LRRTM4: variants seen among roughly 807,000 people sequenced by gnomAD.
The protein encoded by LRRTM4 is leucine rich repeat transmembrane neuronal 4, also known as leucine-rich repeat transmembrane neuronal protein 4.
Under a neutral mutation model 47.6 loss-of-function variants are expected in LRRTM4, and 25 were observed. That is an observed-to-expected ratio of 0.53 (90% CI 0.38 to 0.73). The LOEUF (loss-of-function observed/expected upper bound fraction) is 0.73, where lower values mean the gene tolerates loss of function less well. Ranked by LOEUF, LRRTM4 falls within the 30% of genes least tolerant of loss-of-function variation. The pLI is 0.00. For missense variants in LRRTM4, 638 were observed against 713.4 expected (o/e 0.89, Z 1.20); for synonymous variants, 311 against 269.5 (o/e 1.15, Z -1.51).
intron 3 of LRRTM4, among the ~76,000 whole-genome samples, chr2:77,004,466 G>A (rs1310406311): frequency 1.3e-5 from 2 of 152,154 alleles, no homozygotes; most frequent in South Asian, 2.1e-4. Context: ...GTCAAGAATT[G>A]AGGTTTGTGA....
chr2:77,070,508 C>T (rs774906677), intron 3 of LRRTM4, among the ~76,000 whole-genome samples: 1 of 151,410 alleles, frequency 6.6e-6, no homozygotes, highest in Non-Finnish European at 1.5e-5. Flanking sequence ...ATATTATTAT[C>T]ACTAAAAATT....
rs909257287 is a variant in LRRTM4, at chr2:76,967,581, T to C, written c.1552-218665A>G. 1.3e-4 allele frequency among the ~76,000 whole-genome samples: 19 copies of C among 151,696 alleles called. No individual in the cohort carries two copies. The East Asian group carries it at 3.5e-3, about 28-fold the overall frequency. ...TAAGTCTTCTAAAATAAACTTCCCATCAATTACTCTATATGCCACCACATA... is the reference window on the plus strand; with the variant it reads ...TAAGTCTTCTAAAATAAACTTCCCACCAATTACTCTATATGCCACCACATA... On this transcript the variant is annotated intron_variant, in intron 3 of 3. Transcript: ENST00000409884.
chr2:76,818,899 A>G (rs1050212671), intron 3 of LRRTM4, among the ~76,000 whole-genome samples: 14 of 151,806 alleles, frequency 9.2e-5, no homozygotes, highest in African/African-American at 3.4e-4. Flanking sequence ...TAGTAAAACC[A>G]GTTTGATTAG....
chr2:77,371,879 A>G (rs1021583127), intron 3 of LRRTM4, among the ~76,000 whole-genome samples: 1 of 151,722 alleles, frequency 6.6e-6, no homozygotes, highest in Non-Finnish European at 1.5e-5. Flanking sequence ...ACTGTACTTG[A>G]AGGCTAACAA....
At chr2:77,365,364 A>G (rs1672402162) in intron 3 of LRRTM4, among the ~76,000 whole-genome samples, 1 of 152,032 alleles carries the variant, frequency 6.6e-6, no homozygotes, top group Non-Finnish European at 1.5e-5. Context: ...TCTGTGAAAC[A>G]CTTACATTTT....
At chr2:76,916,230 A>G (rs1674239558) in intron 3 of LRRTM4, among the ~76,000 whole-genome samples, 1 of 151,864 alleles carries the variant, frequency 6.6e-6, no homozygotes. Context: ...TGTATGGTCC[A>G]AAAAATTAGC....
At chr2:77,403,955 C>T (rs973337734) in intron 3 of LRRTM4, among the ~76,000 whole-genome samples, 24 of 151,256 alleles carry the variant, frequency 1.6e-4, no homozygotes. Context: ...ATATATATGA[C>T]CATTTAAAGA....
At chr2:76,794,785 C>A (rs969740731) in intron 3 of LRRTM4, among the ~76,000 whole-genome samples, 5 of 151,916 alleles carry the variant, frequency 3.3e-5, no homozygotes, top group African/African-American at 1.2e-4. Flanking sequence ...ACAAACTGTA[C>A]CCACCAGAGC....
intron 3 of LRRTM4, among the ~76,000 whole-genome samples, chr2:77,110,380 C>G (rs560365711): frequency 6.6e-5 from 10 of 152,212 alleles, no homozygotes; most frequent in Non-Finnish European, 1.5e-4. Context: ...CCCACTAACA[C>G]AACCTTGCTA....
At chr2:77,411,149 A>G (rs1433772241) in intron 3 of LRRTM4, among the ~76,000 whole-genome samples, 1 of 152,168 alleles carries the variant, frequency 6.6e-6, no homozygotes, top group African/African-American at 2.4e-5. Context: ...CCTGGAGCAC[A>G]GATTCAGGCC....
At chr2:77,371,327 T>C (rs187972189) in intron 3 of LRRTM4, among the ~76,000 whole-genome samples, 1 of 151,970 alleles carries the variant, frequency 6.6e-6, no homozygotes, top group African/African-American at 2.4e-5. Flanking sequence ...ACTGATACTC[T>C]CGGAATTCAG....
chr2:77,304,549 A>C lies in LRRTM4; in HGVS notation c.1551+213769T>G, dbSNP rs560427706. Among the ~76,000 whole-genome samples the C allele has an allele frequency of 5.3e-5, 8 of 152,282 alleles. No homozygotes were observed. The East Asian group carries it at 1.3e-3, about 26-fold the overall frequency. On this transcript the variant is annotated intron_variant, in intron 3 of 3. Transcript: ENST00000409884. ...TAGTCAGCTGGCAAACCTGAAAAAA[A>C]TACTTGAGACATAGGATGAATAGAA... is the stretch of plus-strand genomic sequence containing the variant.
chr2:77,207,866 CTT>C (rs754540782), intron 3 of LRRTM4, among the ~76,000 whole-genome samples: 1,115 of 42,358 alleles, frequency 0.026, 1 homozygote, highest in African/African-American at 0.063. Flanking sequence ...GGGAAAGTGG[CTT>C]TTTTTTTTTT....
chr2:76,806,398 G>A (rs911325686), intron 3 of LRRTM4, among the ~76,000 whole-genome samples: 7 of 151,948 alleles, frequency 4.6e-5, no homozygotes, highest in South Asian at 2.1e-4. Context: ...CCTAACCAAC[G>A]TGGTGAAACC....
chr2:76,858,534 A>G (rs1672222994), intron 3 of LRRTM4, among the ~76,000 whole-genome samples: 1 of 152,254 alleles, frequency 6.6e-6, no homozygotes, highest in African/African-American at 2.4e-5. Flanking sequence ...TCTATGGGGA[A>G]CTGAAATATG....
At position 77,343,906 on chromosome 2, in the gene LRRTM4, A is replaced by G. The variant is rs147302446; in HGVS notation, c.1551+174412T>C. Among the ~76,000 whole-genome samples, 327 of 152,072 alleles carry G rather than the reference A, an allele frequency of 2.2e-3. 1 individual carries two copies. Among genetic ancestry groups the G allele is most frequent in the African/African-American group, 7.4e-3 (308 of 41,524 alleles). The stretch of plus-strand genomic sequence containing the variant: ...AAGCTACACAAGTAAGATTGTTGGA[A>G]GAGCATTCCAGGAAATTGGAATACT... On this transcript the variant is annotated intron_variant, in intron 3 of 3. Coordinates refer to ENST00000409884, the MANE Select transcript of LRRTM4 (RefSeq NM_001134745.3).
chr2:76,996,528 T>G (rs1043920369), intron 3 of LRRTM4, among the ~76,000 whole-genome samples: 1 of 147,818 alleles, frequency 6.8e-6, no homozygotes, highest in African/African-American at 2.6e-5. Flanking sequence ...CAAGTAAAAT[T>G]TTGCTTAATA....
intron 3 of LRRTM4, among the ~76,000 whole-genome samples, chr2:76,801,003 G>A (rs13393676): frequency 7.0e-6 from 1 of 142,982 alleles, no homozygotes; most frequent in Non-Finnish European, 1.5e-5. Flanking sequence ...CATTAAAAAG[G>A]CAGGAAACAA....
intron 3 of LRRTM4, among the ~76,000 whole-genome samples, chr2:77,174,920 C>T (rs10204512): frequency 0.028 from 4,258 of 151,868 alleles, 210 homozygotes; most frequent in African/African-American, 0.096. Flanking sequence ...TCTTTTGTGC[C>T]CGGAGCTTCT....
Sources: allele counts gnomAD v4.1 joint callset (sites outside exome capture counted in the v4.1 genomes callset), GRCh38; gene constraint gnomAD v4.1.1; transcripts MANE v1.5; gene names NCBI Gene and HGNC (gene_info 2026-07-23, HGNC 2026-07-21).